Variants in FRMD4B observed in about 807,000 individuals in gnomAD.
FRMD4B encodes the protein FERM domain-containing protein 4B.
FRMD4B carries 74 observed loss-of-function variants against 141.5 expected under a neutral mutation model. That is an observed-to-expected ratio of 0.52 (90% CI 0.43 to 0.63). FRMD4B has a LOEUF of 0.63. FRMD4B is among the 30% of genes least tolerant of loss of function. The pLI is 0.00. For synonymous variants in FRMD4B, 506 were observed against 467.9 expected (o/e 1.08, Z -1.05); for missense variants, 1,366 against 1,253.4 (o/e 1.09, Z -1.36).
intron 1 of FRMD4B, among the ~76,000 whole-genome samples, chr3:69,533,008 C>A (rs138972584): frequency 1.2e-4 from 18 of 152,348 alleles, no homozygotes; most frequent in Admixed American, 1.0e-3. Context: ...CAAAGCCAAG[C>A]TCCTCCTCAC....
intron 5 of FRMD4B, among the ~76,000 whole-genome samples, chr3:69,285,849 GA>G (rs1283837678): frequency 5.1e-5 from 7 of 136,966 alleles, no homozygotes; most frequent in East Asian, 2.0e-4. Context: ...ATCTCAAAAA[GA>G]AAAAAAAAAT....
intron 3 of FRMD4B, chr3:69,310,533 CA>C (rs1266759611): frequency 2.2e-6 from 1 of 449,374 alleles, no homozygotes; most frequent in Non-Finnish European, 4.4e-6. Flanking sequence ...ATAAAAAAGA[CA>C]GACAGATACA....
chr3:69,512,401 T>A (rs185369713), intron 1 of FRMD4B, among the ~76,000 whole-genome samples: 2 of 152,238 alleles, frequency 1.3e-5, no homozygotes, highest in Non-Finnish European at 2.9e-5. Flanking sequence ...AAAGTATTCA[T>A]ATAGTACAGG....
intron 1 of FRMD4B, among the ~76,000 whole-genome samples, chr3:69,346,519 C>A (rs1048644408): frequency 6.6e-6 from 1 of 152,038 alleles, no homozygotes; most frequent in African/African-American, 2.4e-5. Context: ...AACTCCAAGA[C>A]ACATAATTGT....
At chr3:69,299,732 G>C (rs1701150283) in intron 4 of FRMD4B, among the ~76,000 whole-genome samples, 1 of 152,072 alleles carries the variant, frequency 6.6e-6, no homozygotes, top group Non-Finnish European at 1.5e-5. Context: ...CTAATTGTTT[G>C]CACCGAAAAT....
chr3:69,492,088 A>C (rs1706308935), intron 1 of FRMD4B, among the ~76,000 whole-genome samples: 1 of 152,200 alleles, frequency 6.6e-6, no homozygotes, highest in African/African-American at 2.4e-5. Context: ...CCCTGGCAGG[A>C]AGCTGAACCT....
chr3:69,241,458 C>T (rs1254456756), intron 7 of FRMD4B, among the ~76,000 whole-genome samples: 7 of 152,304 alleles, frequency 4.6e-5, no homozygotes, highest in Admixed American at 1.3e-4. Context: ...AATCACTTCT[C>T]AAGAGTTTTC....
At chr3:69,541,789 T>TCCGC (rs67274406) in intron 1 of FRMD4B, among the ~76,000 whole-genome samples, 1 of 148,306 alleles carries the variant, frequency 6.7e-6, no homozygotes, top group African/African-American at 2.5e-5. Flanking sequence ...TCCAGGGATT[T>TCCGC]CCCCCCCCTC....
rs1411367669 is a variant in FRMD4B at position 69,536,274 on chromosome 3, G to C, written c.-129+5932C>G. ...TTTTCCGCTCTCCTGGGGACCATCA[G>C]GGGGCCATCTCCCTGGGCTGGATTT... On this transcript the variant is annotated intron_variant, in intron 1 of 5. Transcript: ENST00000459638. 1.3e-5 allele frequency: 8 copies of C among 619,954 alleles called. No individual in the cohort carries two copies. The East Asian group carries it at 2.3e-4, about 18-fold the overall frequency. 38.4% of individuals were successfully genotyped at this position (619,954 alleles called of 1,614,324 possible).
intron 7 of FRMD4B, among the ~76,000 whole-genome samples, chr3:69,234,660 CAAAA>C (rs2093332462): frequency 6.6e-6 from 1 of 152,200 alleles, no homozygotes; most frequent in Admixed American, 6.5e-5. Flanking sequence ...AGGTGACAAA[CAAAA>C]GAAAACAGTG....
At chr3:69,295,317 T>A (rs149902246) in intron 4 of FRMD4B, among the ~76,000 whole-genome samples, 213 of 152,210 alleles carry the variant, frequency 1.4e-3, no homozygotes, top group Non-Finnish European at 2.2e-3. Flanking sequence ...TGTCAGCACT[T>A]GGGGAGTGTT....
At position 69,200,271 on chromosome 3, in the gene FRMD4B, C is replaced by T. The variant is rs1211326448; in HGVS notation, c.877-1497G>A. On this transcript the variant is annotated intron_variant, in intron 11 of 22. Coordinates refer to ENST00000398540, the MANE Select transcript of FRMD4B (RefSeq NM_015123.3). ...GAACAGTGAAATAAACCAGCACACC[C>T]TAAAAACACAGCCCTCCGGGGTCCG... is the stretch of plus-strand genomic sequence containing the variant. 4 of 283,796 alleles carry T rather than the reference C, an allele frequency of 1.4e-5. No homozygotes were observed. The East Asian group carries it at 5.2e-4, about 37-fold the overall frequency. The allele number at this position is 283,796 out of a possible 1,614,324, so 17.6% of individuals were successfully genotyped here. A position where few individuals can be genotyped will look rare whatever the true frequency, so the allele number is the denominator to read the frequency against.
chr3:69,263,019 G>C (rs1171689641), intron 5 of FRMD4B, among the ~76,000 whole-genome samples: 1 of 152,036 alleles, frequency 6.6e-6, no homozygotes, highest in Non-Finnish European at 1.5e-5. Context: ...AGCACTTTGG[G>C]AGGCCAAGGT....
At chr3:69,356,887 C>T (rs529997839) in intron 1 of FRMD4B, among the ~76,000 whole-genome samples, 1 of 152,244 alleles carries the variant, frequency 6.6e-6, no homozygotes, top group African/African-American at 2.4e-5. Flanking sequence ...TGAAGTCATT[C>T]CCTGGCCTTT....
chr3:69,455,544 A>G (rs938234733), intron 1 of FRMD4B, among the ~76,000 whole-genome samples: 5 of 152,176 alleles, frequency 3.3e-5, no homozygotes, highest in African/African-American at 1.2e-4. Flanking sequence ...ACCGGTAAGA[A>G]GGAAGAAACT....
intron 18 of FRMD4B, among the ~76,000 whole-genome samples, chr3:69,188,763 C>CAA (rs11328404): frequency 6.0e-5 from 4 of 66,838 alleles, no homozygotes; most frequent in Admixed American, 3.2e-4. Flanking sequence ...GACTCCGTCT[C>CAA]AAAAAAAAAA....
chr3:69,470,521 G>T (rs1337810122), intron 1 of FRMD4B, among the ~76,000 whole-genome samples: 1 of 152,048 alleles, frequency 6.6e-6, no homozygotes, highest in African/African-American at 2.4e-5. Context: ...AACAAAGAGG[G>T]TTTTATTTAG....
chr3:69,297,972 C>T (rs950378146), intron 4 of FRMD4B, among the ~76,000 whole-genome samples: 3 of 152,112 alleles, frequency 2.0e-5, no homozygotes, highest in African/African-American at 7.2e-5. Context: ...ACACTACATG[C>T]CTTTGCTTTA....
intron 1 of FRMD4B, among the ~76,000 whole-genome samples, chr3:69,332,935 C>A (rs1044503459): frequency 2.0e-5 from 3 of 151,964 alleles, no homozygotes; most frequent in African/African-American, 7.2e-5. Flanking sequence ...CAAGAGCATT[C>A]ACCAAAAAGC....
Sources: allele counts gnomAD v4.1 joint callset (sites outside exome capture counted in the v4.1 genomes callset), GRCh38; gene constraint gnomAD v4.1.1; transcripts MANE v1.5; gene names NCBI Gene and HGNC (gene_info 2026-07-23, HGNC 2026-07-21).